The following DNAAF10 variants were observed in gnomAD, a reference collection of about 807,000 sequenced individuals.
DNAAF10 encodes the protein dynein axonemal assembly factor 10, also known as WD repeat domain 92.
A neutral mutation model predicts 43.7 loss-of-function variants in DNAAF10; 28 were observed. That is an observed-to-expected ratio of 0.64 (90% CI 0.48 to 0.88). The LOEUF (loss-of-function observed/expected upper bound fraction) is 0.88, where lower values mean the gene tolerates loss of function less well. Among genes scored for constraint, DNAAF10 ranks in the 40% least tolerant of loss-of-function variants. The probability of loss-of-function intolerance (pLI) is 0.00; values close to 1 mark genes in which losing one functional copy is unlikely to be tolerated. For synonymous variants in DNAAF10, 156 were observed against 157.3 expected (o/e 0.99, Z 0.06); for missense variants, 403 against 439.1 (o/e 0.92, Z 0.73).
Position 68,157,266 on chromosome 2 carries a change from G to T in DNAAF10, c.178C>A (p.Arg60=). The change falls in exon 1 of 8, where the codon CGG becomes AGG. Residue 60 remains arginine, a synonymous_variant. Transcript: ENST00000295121. The part of the protein sequence containing the change: ...EIQHGDLKLL[R]EIEKAKPIKC... The stretch of plus-strand genomic sequence containing the variant: ...ATCCTCGACCCGGCACCCACCTCCC[G>T]AAGCAGCTTCAGGTCCCCGTGCTGG... The T allele has an allele frequency of 6.2e-7, 1 of 1,612,942 alleles. No individual in the cohort carries two copies. The highest frequency in any genetic ancestry group is 1.3e-5 in the African/African-American group (1 of 75,028).
chr2:68,132,603 C>T (rs896970672), intron 7 of DNAAF10, among the ~76,000 whole-genome samples: 5 of 152,106 alleles, frequency 3.3e-5, no homozygotes, highest in Non-Finnish European at 5.9e-5. Context: ...ATTCAAAAAA[C>T]AAGTCGTGAA....
chr2:68,130,741 G>T lies in DNAAF10; in HGVS notation c.*497C>A. The T allele has an allele frequency of 6.5e-6, 1 of 154,194 alleles. No individual in the cohort carries two copies. Among genetic ancestry groups the T allele is most frequent in the Admixed American group, 6.4e-5 (1 of 15,594 alleles). 9.6% of individuals were successfully genotyped at this position (154,194 alleles called of 1,614,324 possible). A position where few individuals can be genotyped will look rare whatever the true frequency, so the allele number is the denominator to read the frequency against. On this transcript the variant is annotated 3_prime_UTR_variant, in exon 8 of 8. Transcript: ENST00000295121. Reference sequence around the variant, plus strand: ...TACTTGGTGCTTCTGATACCCACGTGCAGCAGCAAGTCAGCAAACAAGCCC... The same window carrying T: ...TACTTGGTGCTTCTGATACCCACGTTCAGCAGCAAGTCAGCAAACAAGCCC...
At chr2:68,146,689 T>C (rs976969833) in intron 2 of DNAAF10, among the ~76,000 whole-genome samples, 25 of 152,276 alleles carry the variant, frequency 1.6e-4, no homozygotes, top group Admixed American at 3.3e-4. Context: ...TGTTTAATGT[T>C]ATGATTCTAA....
At chr2:68,134,254 C>A (rs1032820210) in intron 7 of DNAAF10, 5 of 998,550 alleles carry the variant, frequency 5.0e-6, no homozygotes, top group Middle Eastern at 5.0e-4. Context: ...TTGTAACTCA[C>A]CCTGCCTAGA....
chr2:68,143,352 T>C (rs1466258507), intron 3 of DNAAF10, among the ~76,000 whole-genome samples: 1 of 152,098 alleles, frequency 6.6e-6, no homozygotes, highest in Non-Finnish European at 1.5e-5. Context: ...CCTGGCTAAT[T>C]TTTGTATTTT....
Position 68,130,854 on chromosome 2 carries a change from G to T in DNAAF10, c.*384C>A, listed in dbSNP as rs140916099. On this transcript the variant is annotated 3_prime_UTR_variant, in exon 8 of 8. Transcript: ENST00000295121. ...CAGCTTTGTTCAATGAGGGTCAGAG[G>T]ACTCCAGAACCTATCTTAAATTGTG... 874 of 165,134 alleles carry T rather than the reference G, an allele frequency of 5.3e-3. 5 individuals carry two copies. Among genetic ancestry groups the T allele is most frequent in the Non-Finnish European group, 8.7e-3 (648 of 74,900 alleles). 10.2% of individuals were successfully genotyped at this position (165,134 alleles called of 1,614,324 possible). A position where few individuals can be genotyped will look rare whatever the true frequency, so the allele number is the denominator to read the frequency against.
At chr2:68,147,843 T>G (rs1673358820) in intron 1 of DNAAF10, among the ~76,000 whole-genome samples, 2 of 152,214 alleles carry the variant, frequency 1.3e-5, no homozygotes, top group African/African-American at 4.8e-5. Flanking sequence ...ATTGCAAATA[T>G]GAAAGTTTCA....
intron 5 of DNAAF10, among the ~76,000 whole-genome samples, chr2:68,137,728 G>A (rs1477082590): frequency 4.6e-5 from 7 of 151,850 alleles, no homozygotes; most frequent in Admixed American, 1.3e-4. Context: ...TTAGCCAGGC[G>A]TGGTGGCGTG....
chr2:68,138,887 C>T, intron 4 of DNAAF10, 30 bp from the exon 5 acceptor site: 1 of 1,470,196 alleles, frequency 6.8e-7, no homozygotes, highest in South Asian at 1.2e-5. Context: ...ATTTCACATC[C>T]TTATAAATGC....
intron 7 of DNAAF10, 89 bp downstream of exon 7, chr2:68,134,613 C>G (rs1672993107): frequency 6.4e-7 from 1 of 1,562,048 alleles, no homozygotes; most frequent in African/African-American, 1.4e-5. Context: ...TAAGTCAAAG[C>G]AGGAAAAAAA....
At chr2:68,134,123 G>C (rs1295793741) in intron 7 of DNAAF10, 5 of 983,598 alleles carry the variant, frequency 5.1e-6, no homozygotes, top group Non-Finnish European at 6.0e-6. Context: ...GTTTTGTTTT[G>C]TTTTGTTTCC....
intron 1 of DNAAF10, among the ~76,000 whole-genome samples, chr2:68,151,943 C>T (rs1457784640): frequency 6.6e-6 from 1 of 152,192 alleles, no homozygotes. Flanking sequence ...TGCCTAAGGT[C>T]CCAAGAGCCA....
At chr2:68,131,812 T>C (rs1203651076) in intron 7 of DNAAF10, 2 of 218,526 alleles carry the variant, frequency 9.2e-6, no homozygotes, top group East Asian at 2.1e-4. Context: ...AGATATAGAT[T>C]GCTGGATATC....
At chr2:68,135,632 A>C (rs1322480268) in intron 6 of DNAAF10, among the ~76,000 whole-genome samples, 3 of 152,208 alleles carry the variant, frequency 2.0e-5, no homozygotes, top group Non-Finnish European at 2.9e-5. Context: ...ATCGTGGTAC[A>C]CCACATTTTA....
intron 3 of DNAAF10, among the ~76,000 whole-genome samples, chr2:68,143,468 G>A (rs893953764): frequency 9.2e-5 from 14 of 152,222 alleles, no homozygotes; most frequent in East Asian, 5.8e-4. Context: ...AGGCGTGACT[G>A]TACCTGGCCC....
At chr2:68,155,436 G>A (rs990652837) in intron 1 of DNAAF10, among the ~76,000 whole-genome samples, 1 of 151,416 alleles carries the variant, frequency 6.6e-6, no homozygotes, top group Non-Finnish European at 1.5e-5. Context: ...AGAGGTTGCA[G>A]TTAGCCAAGA....
intron 5 of DNAAF10, among the ~76,000 whole-genome samples, chr2:68,138,332 G>T (rs1673095615): frequency 6.6e-6 from 1 of 152,110 alleles, no homozygotes; most frequent in African/African-American, 2.4e-5. Context: ...GCTAACAGTA[G>T]AAAACAGGAG....
chr2:68,149,529 A>G (rs1055411946), intron 1 of DNAAF10, among the ~76,000 whole-genome samples: 2 of 152,128 alleles, frequency 1.3e-5, no homozygotes, highest in African/African-American at 4.8e-5. Flanking sequence ...TTTTTTCCCA[A>G]TTTTATGAAA....
chr2:68,152,170 T>C (rs1673473756), intron 1 of DNAAF10, among the ~76,000 whole-genome samples: 1 of 152,258 alleles, frequency 6.6e-6, no homozygotes. Flanking sequence ...TTACCTTCAT[T>C]CATGTCTTTA....
Sources: allele counts gnomAD v4.1 joint callset (sites outside exome capture counted in the v4.1 genomes callset), GRCh38; gene constraint gnomAD v4.1.1; transcripts MANE v1.5; gene names NCBI Gene and HGNC (gene_info 2026-07-23, HGNC 2026-07-21).